The following BBS5 variants were observed in gnomAD, a reference collection of about 807,000 sequenced individuals.
BBS5 encodes the protein Bardet-Biedl syndrome 5.
In BBS5, 39 loss-of-function variants were observed where a neutral mutation model predicts 50.2. The observed-to-expected ratio is 0.78, with a 90% CI of 0.60 to 1.01. The LOEUF (loss-of-function observed/expected upper bound fraction) is 1.01. BBS5 is among the 50% of genes least tolerant of loss of function. The probability of loss-of-function intolerance (pLI) is 0.00; values close to 1 mark genes in which losing one functional copy is unlikely to be tolerated. For synonymous variants in BBS5, 134 were observed against 133.1 expected (o/e 1.01, Z -0.05); for missense variants, 356 against 401.5 (o/e 0.89, Z 0.97).
Position 169,488,105 on chromosome 2 carries a change from C to A in BBS5, c.377C>A (p.Ala126Glu). The change falls in exon 5 of 12, where the codon GCA (alanine) becomes GAA (glutamate). Residue 126 changes from alanine to glutamate, a missense_variant. Ala to Glu is a moderately radical substitution (Grantham distance 107). Coordinates refer to ENST00000295240, the MANE Select transcript of BBS5 (RefSeq NM_152384.3). ...CCTAGACTTTTTACTTCTGTGATGG[C>A]AGTACACAGGTATAGTAATACTTTA... ...GSPRLFTSVM[A>E]VHRAYETSKM... 6.2e-7 allele frequency: 1 copy of A among 1,612,764 alleles called. No homozygotes were observed. The highest frequency in any genetic ancestry group is 8.5e-7 in the Non-Finnish European group (1 of 1,179,086).
At chr2:169,483,368 T>C (rs1395281838) in intron 2 of BBS5, among the ~76,000 whole-genome samples, 1 of 152,058 alleles carries the variant, frequency 6.6e-6, no homozygotes, top group Non-Finnish European at 1.5e-5. Flanking sequence ...TTTATGTACA[T>C]ATGTCTCGAA....
intron 8 of BBS5, chr2:169,499,072 T>TTTCAAGGCCTAG (rs1209039334): frequency 9.8e-5 from 18 of 183,992 alleles, no homozygotes; most frequent in Admixed American, 7.8e-4. Flanking sequence ...GTCTGTTCCT[T>TTTCAAGGCCTAG]TTCAAGGCCT....
At chr2:169,502,896 G>A (rs1683835138) in intron 9 of BBS5, among the ~76,000 whole-genome samples, 199 bp from the exon 10 acceptor site, 1 of 151,986 alleles carries the variant, frequency 6.6e-6, no homozygotes, top group African/African-American at 2.4e-5. Context: ...GGTTCTTTTC[G>A]TGATGCTGAC....
At chr2:169,502,467 A>G (rs572592885) in intron 9 of BBS5, among the ~76,000 whole-genome samples, 31 of 152,136 alleles carry the variant, frequency 2.0e-4, no homozygotes, top group Non-Finnish European at 3.8e-4. Context: ...TTTGACTGAT[A>G]AAAAATGGCA....
In BBS5 at chr2:169,499,526, A is replaced by T; in HGVS notation, c.722A>T (p.Glu241Val). The T allele has an allele frequency of 6.2e-7, 1 of 1,613,574 alleles. No individual in the cohort carries two copies. The highest frequency in any genetic ancestry group is 8.5e-7 in the Non-Finnish European group (1 of 1,179,562). ...YVLGFKIDPV[E>V]KLQESVKEIN... ...CTTGGCTTTAAAATAGATCCTGTGG[A>T]AAAACTACAAGAATCAGTTAAGGAA... is the stretch of plus-strand genomic sequence containing the variant. Residue 241 changes from glutamate to valine, a missense_variant, in exon 9 of 12, where the codon GAA (glutamate) becomes GTA (valine). By Grantham distance (121) the Glu-to-Val change is moderately radical (BLOSUM62 -2). Transcript: ENST00000295240.
At chr2:169,487,288 A>G (rs1166246707) in intron 3 of BBS5, among the ~76,000 whole-genome samples, 154 bp downstream of exon 3, 1 of 152,144 alleles carries the variant, frequency 6.6e-6, no homozygotes, top group East Asian at 1.9e-4. Flanking sequence ...AAAATTATCC[A>G]TTATTATTTT....
In BBS5 at chr2:169,505,188, C is replaced by T. The variant is rs1185104423; in HGVS notation, c.*606C>T. 7.2e-6 allele frequency: 4 copies of T among 558,960 alleles called. No homozygotes were observed. Among genetic ancestry groups the T allele is most frequent in the East Asian group, 6.5e-5 (2 of 30,640 alleles). The allele number at this position is 558,960 out of a possible 1,614,324, so 34.6% of individuals were successfully genotyped here. On this transcript the variant is annotated 3_prime_UTR_variant, in exon 12 of 12. Coordinates refer to ENST00000295240, the MANE Select transcript of BBS5 (RefSeq NM_152384.3). ...GCCGGGCTGGTCTCCAGCTCCTAAC[C>T]GCGAGTGATCCGCCAGCCTCGGCCT...
intron 7 of BBS5, among the ~76,000 whole-genome samples, chr2:169,495,115 A>G (rs564772828): frequency 6.6e-6 from 1 of 152,322 alleles, no homozygotes; most frequent in East Asian, 1.9e-4. Flanking sequence ...CCTGCCATCA[A>G]GGGGCTTTCA....
intron 2 of BBS5, among the ~76,000 whole-genome samples, chr2:169,483,356 C>G (rs1683434369): frequency 6.6e-6 from 1 of 152,164 alleles, no homozygotes; most frequent in Non-Finnish European, 1.5e-5. Flanking sequence ...GCTGCTGGCT[C>G]TTTTATGTAC....
chr2:169,502,998 C>T (rs887330214), intron 9 of BBS5, 97 bp from the exon 10 acceptor site: 11 of 886,342 alleles, frequency 1.2e-5, no homozygotes, highest in Middle Eastern at 4.2e-4. Flanking sequence ...TTTTATAAGA[C>T]TTTAGTAGTT....
chr2:169,483,686 G>A (rs537039617), intron 2 of BBS5, among the ~76,000 whole-genome samples: 2 of 152,248 alleles, frequency 1.3e-5, no homozygotes, highest in South Asian at 2.1e-4. Flanking sequence ...GGCTTAGAAA[G>A]GGGCCTGCTG....
At chr2:169,482,087 G>A (rs1268147182) in intron 1 of BBS5, among the ~76,000 whole-genome samples, 164 bp from the exon 2 acceptor site, 3 of 152,114 alleles carry the variant, frequency 2.0e-5, no homozygotes, top group Admixed American at 2.0e-4. Context: ...TGATCTTCAG[G>A]TTCTTGAAGT....
intron 5 of BBS5, among the ~76,000 whole-genome samples, chr2:169,490,424 G>A (rs541205947): frequency 3.3e-5 from 5 of 152,050 alleles, no homozygotes; most frequent in Admixed American, 1.3e-4. Flanking sequence ...CACTGTGTTA[G>A]TCAGGATGGT....
intron 2 of BBS5, among the ~76,000 whole-genome samples, chr2:169,485,302 A>G (rs1683469952): frequency 1.3e-5 from 2 of 152,248 alleles, no homozygotes; most frequent in South Asian, 4.1e-4. Context: ...ACTGTTCTGA[A>G]TCTTTTATAT....
chr2:169,484,123 C>T (rs990949682), intron 2 of BBS5, among the ~76,000 whole-genome samples: 1 of 152,216 alleles, frequency 6.6e-6, no homozygotes, highest in Non-Finnish European at 1.5e-5. Flanking sequence ...TGGCTCTTGC[C>T]TATAATTCCA....
At chr2:169,493,404 T>A (rs1179524590) in intron 6 of BBS5, among the ~76,000 whole-genome samples, 2 of 152,198 alleles carry the variant, frequency 1.3e-5, no homozygotes, top group Non-Finnish European at 2.9e-5. Flanking sequence ...TTTTGAATAA[T>A]AATTTTAGTA....
intron 5 of BBS5, 74 bp downstream of exon 5, chr2:169,488,188 C>G: frequency 6.8e-7 from 1 of 1,474,782 alleles, no homozygotes; most frequent in Non-Finnish European, 9.4e-7. Flanking sequence ...AGTCCCCAAC[C>G]TTTTTGGCAC....
chr2:169,479,699 T>C (rs1037104944), intron 1 of BBS5, 87 bp downstream of exon 1: 3 of 1,430,834 alleles, frequency 2.1e-6, no homozygotes, highest in South Asian at 1.2e-5. Context: ...AGACTGCACC[T>C]CCGCAGCTCG....
chr2:169,485,382 A>G (rs908169014), intron 2 of BBS5, among the ~76,000 whole-genome samples: 11 of 151,192 alleles, frequency 7.3e-5, no homozygotes, highest in Non-Finnish European at 1.3e-4. Context: ...AGTCATATTT[A>G]TTTTCAAATG....
Sources: gnomAD v4.1 joint callset for allele counts (sites outside exome capture counted in the v4.1 genomes callset) on GRCh38, gnomAD v4.1.1 for gene constraint, MANE v1.5 for transcripts, NCBI Gene and HGNC (gene_info 2026-07-23, HGNC 2026-07-21) for gene names.